ASXL3: variants seen among roughly 807,000 people sequenced by gnomAD.
ASXL3 encodes ASXL transcriptional regulator 3.
ASXL3 carries 34 observed loss-of-function variants against 170.6 expected under a neutral mutation model. That is an observed-to-expected ratio of 0.20 (90% CI 0.15 to 0.27). The LOEUF is 0.27. Among genes scored for constraint, ASXL3 ranks in the 10% least tolerant of loss-of-function variants. ASXL3 has a pLI of 1.00. For missense variants in ASXL3, 2,592 were observed against 2,695.3 expected, an observed-to-expected ratio of 0.96 and a Z score of 0.85; for synonymous variants, 1,002 against 989.1, an observed-to-expected ratio of 1.01 and a Z score of -0.24.
At chr18:33,592,981 C>G (rs2065090939) in intron 1 of ASXL3, among the ~76,000 whole-genome samples, 1 of 152,062 alleles carries the variant, frequency 6.6e-6, no homozygotes, top group African/African-American at 2.4e-5. Context: ...AAATAACTGC[C>G]TTTTCTCCCA....
intron 4 of ASXL3, among the ~76,000 whole-genome samples, chr18:33,648,180 A>G (rs192047136): frequency 6.6e-6 from 1 of 152,264 alleles, no homozygotes; most frequent in African/African-American, 2.4e-5. Flanking sequence ...GGCCACATGT[A>G]GGTTTTAGCA....
At chr18:33,670,288 C>T (rs536883093) in intron 5 of ASXL3, among the ~76,000 whole-genome samples, 6 of 152,300 alleles carry the variant, frequency 3.9e-5, no homozygotes, top group African/African-American at 1.2e-4. Flanking sequence ...GACGCACCTG[C>T]GAGAGAAGTG....
chr18:33,594,176 ATTTATC>A (rs2065104214), intron 1 of ASXL3, among the ~76,000 whole-genome samples: 1 of 152,174 alleles, frequency 6.6e-6, no homozygotes, highest in African/African-American at 2.4e-5. Context: ...ATCTGGCCTA[ATTTATC>A]TTTAGGCAAA....
At chr18:33,726,864 C>T (rs192790765) in intron 8 of ASXL3, among the ~76,000 whole-genome samples, 4 of 152,212 alleles carry the variant, frequency 2.6e-5, no homozygotes, top group East Asian at 1.9e-4. Flanking sequence ...TGATCCTGTC[C>T]CCTCCGCTCC....
intron 1 of ASXL3, among the ~76,000 whole-genome samples, chr18:33,596,586 C>G (rs995984643): frequency 2.0e-5 from 3 of 152,164 alleles, no homozygotes; most frequent in African/African-American, 7.2e-5. Flanking sequence ...GCAGATACAT[C>G]TGGATGCTGT....
chr18:33,698,658 A>G (rs1298020888), intron 8 of ASXL3, among the ~76,000 whole-genome samples: 1 of 152,142 alleles, frequency 6.6e-6, no homozygotes, highest in Non-Finnish European at 1.5e-5. Context: ...ATGGCTGAAT[A>G]AAAGAGAATG....
rs372250848 is a variant in ASXL3, at chr18:33,732,052, C to T, written c.964C>T (p.Arg322Ter). 1 of 1,612,118 alleles carries T rather than the reference C, an allele frequency of 6.2e-7. No individual in the cohort carries two copies. The highest frequency in any genetic ancestry group is 8.5e-7 in the Non-Finnish European group (1 of 1,178,870). ...FAYAAQGWKQ[R>*]LAEGEFTPEM... ...ATATGCAGCACAAGGGTGGAAACAG[C>T]GACTGGCAGAAGGTAAATTTGTATT... The change falls in exon 9 of 12, where the codon CGA (arginine) becomes TGA (stop). Residue 322 changes from arginine to a stop codon, truncating the protein, a stop_gained. Coordinates refer to ENST00000269197, the MANE Select transcript of ASXL3 (RefSeq NM_030632.3). LOFTEE classifies it high-confidence loss of function.
intron 2 of ASXL3, chr18:33,625,668 G>C (rs985591245): frequency 9.9e-5 from 15 of 152,096 alleles, no homozygotes; most frequent in Admixed American, 8.5e-4. Context: ...TCTGACATCA[G>C]CAGAATAATT....
chr18:33,658,017 C>T (rs1269056265), intron 4 of ASXL3, among the ~76,000 whole-genome samples: 3 of 152,090 alleles, frequency 2.0e-5, no homozygotes, highest in Non-Finnish European at 4.4e-5. Flanking sequence ...CATGCCAGTA[C>T]ATAGTTAGAA....
intron 4 of ASXL3, among the ~76,000 whole-genome samples, chr18:33,652,516 G>A (rs548277967): frequency 6.8e-6 from 1 of 147,092 alleles, no homozygotes; most frequent in South Asian, 2.2e-4. Flanking sequence ...ATCAAAAAAG[G>A]TTCTGCTTGC....
rs2066294536 is a variant in ASXL3, at chr18:33,668,581, A to T, written c.478-2092A>T. Among the ~76,000 whole-genome samples, 8 of 152,194 alleles carry T rather than the reference A, an allele frequency of 5.3e-5. No individual in the cohort carries two copies. The South Asian group carries it at 1.7e-3, about 31-fold the overall frequency. ...ATCAGGAGACATATATTCAAAAAAC[A>T]TCATACAAACAGGCTCAATATTGGT... On this transcript the variant is annotated intron_variant, in intron 5 of 11. Coordinates refer to ENST00000269197, the MANE Select transcript of ASXL3 (RefSeq NM_030632.3).
At chr18:33,678,107 TA>T (rs2066458483) in intron 7 of ASXL3, among the ~76,000 whole-genome samples, 1 of 151,212 alleles carries the variant, frequency 6.6e-6, no homozygotes, top group African/African-American at 2.5e-5. Flanking sequence ...TTTATTTATT[TA>T]TTTTGGATAC....
chr18:33,627,679 A>G (rs1334916249), intron 2 of ASXL3, among the ~76,000 whole-genome samples: 2 of 152,108 alleles, frequency 1.3e-5, no homozygotes, highest in African/African-American at 2.4e-5. Flanking sequence ...GCACTTCATT[A>G]TTCTGATTCT....
At chr18:33,585,826 G>A (rs1185363149) in intron 1 of ASXL3, among the ~76,000 whole-genome samples, 3 of 152,270 alleles carry the variant, frequency 2.0e-5, no homozygotes, top group South Asian at 2.1e-4. Context: ...ATATATGCAT[G>A]TCTAATTTAT....
In ASXL3 at chr18:33,746,578, T is replaced by C; in HGVS notation, c.6730T>C (p.Cys2244Arg). Residue 2244 changes from cysteine to arginine, a missense_variant, in exon 12 of 12, where the codon TGC becomes CGC. Around this residue, in one of 4 missense-constraint regions of ASXL3, gnomAD observed 22 missense variants for 51.1 expected, o/e 0.43. Transcript: ENST00000269197. ...AGGTCCTTCAAAACTTTGTGTAGCA[T>C]GCCTGGTTGTACGATAAGAGCTGAG... ...CIGPSKLCVACLVVR is the reference protein window; with the variant it reads ...CIGPSKLCVARLVVR 6.3e-7 allele frequency: 1 copy of C among 1,590,312 alleles called. No individual in the cohort carries two copies. Among genetic ancestry groups the C allele is most frequent in the Non-Finnish European group, 8.6e-7 (1 of 1,165,640 alleles).
chr18:33,628,485 A>G (rs1195365104), intron 2 of ASXL3, among the ~76,000 whole-genome samples: 3 of 152,168 alleles, frequency 2.0e-5, no homozygotes, highest in Non-Finnish European at 4.4e-5. Flanking sequence ...CCAAGTGATA[A>G]AAGGAACAAT....
intron 1 of ASXL3, among the ~76,000 whole-genome samples, chr18:33,598,226 G>C (rs2145108653): frequency 6.6e-6 from 1 of 152,170 alleles, no homozygotes; most frequent in African/African-American, 2.4e-5. Flanking sequence ...AATTGTTAGA[G>C]TATCTAATCT....
rs1424741572 is a variant in ASXL3, at chr18:33,661,628, A to T, written c.368A>T (p.Gln123Leu). 3 of 1,610,860 alleles carry T rather than the reference A, an allele frequency of 1.9e-6. No homozygotes were observed. The highest frequency in any genetic ancestry group is 2.5e-6 in the Non-Finnish European group (3 of 1,178,368). The change falls in exon 5 of 12, where the codon CAG becomes CTG. Residue 123 changes from glutamine (Q) to leucine (L), a missense_variant. Gln to Leu is a moderately radical substitution (Grantham distance 113). Coordinates refer to ENST00000269197, the MANE Select transcript of ASXL3 (RefSeq NM_030632.3). ...HGEENGVCSK[Q>L]VTDEASSTRD... ...TCTCTGTTTCTAGTTTGTTCGAAGC[A>T]GGTAACTGATGAAGCATCTTCCACT... is the stretch of plus-strand genomic sequence containing the variant.
chr18:33,746,190 A>G lies in ASXL3; in HGVS notation c.6342A>G (p.Ala2114=), dbSNP rs753817802. 8.1e-6 allele frequency: 13 copies of G among 1,613,958 alleles called. No homozygotes were observed. The highest frequency in any genetic ancestry group is 1.1e-5 in the Non-Finnish European group (13 of 1,179,900). Residue 2114 remains alanine (A), a synonymous_variant, in exon 12 of 12, where the codon GCA becomes GCG. Transcript: ENST00000269197. ...ATGAAATGAAAGAACAGTTAAAAGC[A>G]TTCGCGCTAAAAAGTGCAGATTTCT... ...DQNEMKEQLK[A]FALKSADFSS...
Sources: gnomAD v4.1 joint callset for allele counts (sites outside exome capture counted in the v4.1 genomes callset) on GRCh38, gnomAD v4.1.1 for gene constraint, gnomAD v4.1.1 regional missense constraint, MANE v1.5 for transcripts, NCBI Gene and HGNC (gene_info 2026-07-23, HGNC 2026-07-21) for gene names.